Variants in RGPD8 observed in about 807,000 individuals in gnomAD.
The protein encoded by RGPD8 is RANBP2-like and GRIP domain-containing protein 8.
Under a neutral mutation model 89.1 loss-of-function variants are expected in RGPD8, and 15 were observed. The ratio of observed to expected loss-of-function variants is 0.17; its 90% CI spans 0.11 to 0.26. The LOEUF is 0.26. Ranked by LOEUF, RGPD8 falls within the 10% of genes least tolerant of loss-of-function variation. The pLI, the probability that RGPD8 is intolerant of heterozygous loss-of-function variation, is 1.00. For synonymous variants in RGPD8, 62 were observed against 420.9 expected (o/e 0.15, Z 10.44); for missense variants, 178 against 1,179.6 (o/e 0.15, Z 12.44).
At chr2:112,387,805 A>C (rs1678514861) in intron 20 of RGPD8, among the ~76,000 whole-genome samples, 1 of 146,300 alleles carries the variant, frequency 6.8e-6, no homozygotes, top group Non-Finnish European at 1.5e-5. Context: ...GCATGATAGA[A>C]GTATCTTCCA....
At chr2:112,413,220 A>C (rs1364411609) in intron 6 of RGPD8, among the ~76,000 whole-genome samples, 21 of 141,644 alleles carry the variant, frequency 1.5e-4, no homozygotes, top group South Asian at 1.1e-3. Flanking sequence ...TCCCAGGTTC[A>C]AGTGATTCTC....
chr2:112,415,364 G>A (rs1390397216), intron 6 of RGPD8, among the ~76,000 whole-genome samples: 3 of 151,916 alleles, frequency 2.0e-5, no homozygotes, highest in Non-Finnish European at 2.9e-5. Flanking sequence ...TAACTGATCT[G>A]ACAAACCATC....
chr2:112,422,666 T>C lies in RGPD8; in HGVS notation c.141-7A>G. On this transcript the variant is annotated splice_polypyrimidine_tract_variant and splice_region_variant and intron_variant, in intron 2 of 22. Transcript: ENST00000302558. ...AATGTAAGTACATATGTATCTGTTTTTTAAAAGTAATACAAAAGTAAATTA... is the reference window on the plus strand; with the variant it reads ...AATGTAAGTACATATGTATCTGTTTCTTAAAAGTAATACAAAAGTAAATTA... 1.3e-6 allele frequency: 2 copies of C among 1,520,056 alleles called. No homozygotes were observed. The highest frequency in any genetic ancestry group is 1.8e-6 in the Non-Finnish European group (2 of 1,125,668). The allele number at this position is 1,520,056 out of a possible 1,614,324, so 94.2% of individuals were successfully genotyped here.
chr2:112,370,588 G>C (rs1379749267), intron 22 of RGPD8, among the ~76,000 whole-genome samples: 2 of 134,794 alleles, frequency 1.5e-5, no homozygotes, highest in African/African-American at 5.5e-5. Context: ...TTCCAGGCTG[G>C]TCTCAAATTC....
Position 112,390,174 on chromosome 2 carries a change from A to C in RGPD8, c.2771T>G (p.Phe924Cys), listed in dbSNP as rs561418400. The C allele has an allele frequency of 8.9e-3, 13,994 of 1,575,442 alleles. 920 individuals are homozygous for C. In the African/African-American group the frequency reaches 0.18, roughly 20 times the overall value. Reference protein sequence around the residue: ...SIPVSADGFKFGISEPGNQEK... With the variant: ...SIPVSADGFKCGISEPGNQEK... ...TTGATTTCCTGGTTCCGAAATGCCA[A>C]ATTTAAATCCATCAGCAGACACAGG... Residue 924 changes from phenylalanine to cysteine, a missense_variant, in exon 20 of 23, where the codon TTT (phenylalanine) becomes TGT (cysteine). Phe to Cys is a radical substitution (Grantham distance 205). Transcript: ENST00000302558.
intron 6 of RGPD8, 67 bp downstream of exon 6, chr2:112,417,126 C>T (rs1679447391): frequency 6.2e-7 from 1 of 1,607,632 alleles, no homozygotes; most frequent in Non-Finnish European, 8.5e-7. Flanking sequence ...AAGTTTAGAG[C>T]AATGAACTTA....
chr2:112,415,089 C>T (rs375459534), intron 6 of RGPD8, among the ~76,000 whole-genome samples: 6 of 145,816 alleles, frequency 4.1e-5, no homozygotes, highest in Admixed American at 6.7e-5. Flanking sequence ...AATACAAAAA[C>T]TAGCCAGGTG....
chr2:112,426,169 G>T (rs1453925415), intron 1 of RGPD8, among the ~76,000 whole-genome samples: 1 of 152,028 alleles, frequency 6.6e-6, no homozygotes, highest in East Asian at 1.9e-4. Context: ...GCACTATATG[G>T]CTTCTCTCTG....
At chr2:112,380,720 T>C (rs1191017168) in intron 21 of RGPD8, 104 bp downstream of exon 21, 2 of 1,021,962 alleles carry the variant, frequency 2.0e-6, no homozygotes, top group Non-Finnish European at 2.9e-6. Flanking sequence ...CAAGACGTTA[T>C]AGATGCATCT....
At chr2:112,429,187 G>A (rs1181578226) in intron 1 of RGPD8, among the ~76,000 whole-genome samples, 21 of 151,814 alleles carry the variant, frequency 1.4e-4, no homozygotes, top group African/African-American at 2.4e-4. Context: ...TTGGGAGGCT[G>A]AGGCGGGCGG....
At chr2:112,429,282 G>A (rs968679473) in intron 1 of RGPD8, among the ~76,000 whole-genome samples, 1 of 150,708 alleles carries the variant, frequency 6.6e-6, no homozygotes, top group African/African-American at 2.4e-5. Context: ...TTAGCCGAGT[G>A]TTGTGGCGGG....
rs186909291 is a variant in RGPD8 at position 112,432,897 on chromosome 2, G to C, written c.72+485C>G. Among the ~76,000 whole-genome samples, 75 of 151,244 alleles carry C rather than the reference G, an allele frequency of 5.0e-4. 5 individuals carry two copies. The highest frequency in any genetic ancestry group is 9.0e-4 in the Non-Finnish European group (61 of 67,500). On this transcript the variant is annotated intron_variant, in intron 1 of 22. Transcript: ENST00000302558. ...GCGCTAGCCGGCCTCCGCCTCAACA[G>C]AGCGCGCCAGGGAGCAGCGCCCTCG...
intron 7 of RGPD8, among the ~76,000 whole-genome samples, chr2:112,408,820 C>T (rs2951217): frequency 5.9e-5 from 9 of 151,952 alleles, no homozygotes; most frequent in Non-Finnish European, 7.4e-5. Flanking sequence ...TACAGGCACC[C>T]GCCACCATGC....
intron 1 of RGPD8, among the ~76,000 whole-genome samples, chr2:112,427,294 T>C (rs2104836863): frequency 6.6e-6 from 1 of 152,304 alleles, no homozygotes; most frequent in East Asian, 1.9e-4. Context: ...ATTATTCTTC[T>C]ATATGATCTT....
intron 22 of RGPD8, among the ~76,000 whole-genome samples, chr2:112,373,096 C>T (rs1308080243): frequency 6.7e-6 from 1 of 150,144 alleles, no homozygotes; most frequent in Non-Finnish European, 1.5e-5. Context: ...TATAGAAGTA[C>T]TATATGGCTA....
At chr2:112,429,460 A>AATGGG (rs1408759129) in intron 1 of RGPD8, among the ~76,000 whole-genome samples, 2 of 150,888 alleles carry the variant, frequency 1.3e-5, no homozygotes, top group South Asian at 2.1e-4. Context: ...AAATGTCTAA[A>AATGGG]ATGGGAGAAA....
intron 7 of RGPD8, among the ~76,000 whole-genome samples, chr2:112,408,759 C>T (rs1443137872): frequency 6.6e-6 from 1 of 151,046 alleles, no homozygotes; most frequent in Non-Finnish European, 1.5e-5. Flanking sequence ...GCAACCTCCG[C>T]CTCCTGGTTT....
intron 22 of RGPD8, among the ~76,000 whole-genome samples, chr2:112,373,017 G>T (rs901780166): frequency 6.9e-6 from 1 of 145,028 alleles, no homozygotes; most frequent in Non-Finnish European, 1.5e-5. Context: ...CAGTCTGGGA[G>T]CAAAGAAGAT....
At chr2:112,429,724 A>C (rs1679942323) in intron 1 of RGPD8, among the ~76,000 whole-genome samples, 1 of 152,210 alleles carries the variant, frequency 6.6e-6, no homozygotes, top group African/African-American at 2.4e-5. Context: ...CAGCTGCAGA[A>C]TAAGAAATCG....
Sources: allele counts gnomAD v4.1 joint callset (sites outside exome capture counted in the v4.1 genomes callset), GRCh38; gene constraint gnomAD v4.1.1; transcripts MANE v1.5; gene names NCBI Gene and HGNC (gene_info 2026-07-23, HGNC 2026-07-21).